LINGO2: variants seen among roughly 807,000 people sequenced by gnomAD.
The protein encoded by LINGO2 is leucine rich repeat and Ig domain containing 2.
Under a neutral mutation model 30.6 loss-of-function variants are expected in LINGO2, and 14 were observed. That is an observed-to-expected ratio of 0.46 (90% CI 0.30 to 0.72). LINGO2 has a LOEUF of 0.72. LINGO2 is among the 30% of genes least tolerant of loss of function. The probability of loss-of-function intolerance (pLI) is 0.07; values close to 1 mark genes in which losing one functional copy is unlikely to be tolerated. For missense variants in LINGO2, 729 were observed against 751.7 expected (o/e 0.97, Z 0.35); for synonymous variants, 317 against 288.5 (o/e 1.10, Z -1.00).
the LINGO2 span, among the ~76,000 whole-genome samples, chr9:28,730,352 T>C: frequency 3.9e-5 from 6 of 152,168 alleles, no homozygotes; most frequent in Non-Finnish European, 7.4e-5. Flanking sequence ...AAATCCTCAC[T>C]GCTCTCTGGG....
At chr9:28,432,032 C>T (rs1823699572) in intron 2 of LINGO2, among the ~76,000 whole-genome samples, 1 of 151,960 alleles carries the variant, frequency 6.6e-6, no homozygotes, top group African/African-American at 2.4e-5. Context: ...TCCAGATGAG[C>T]ATTTAATCAA....
the LINGO2 span, among the ~76,000 whole-genome samples, chr9:28,891,588 T>C: frequency 3.3e-5 from 5 of 151,916 alleles, no homozygotes; most frequent in Admixed American, 3.3e-4. Flanking sequence ...GGGGTGAGTA[T>C]AGATGCTATT....
chr9:29,169,013 G>A, the LINGO2 span, among the ~76,000 whole-genome samples: 32,833 of 151,976 alleles, frequency 0.22, 3,885 homozygotes, highest in East Asian at 0.38. Context: ...CAATGGTGTC[G>A]TCTTGGCTAC....
the LINGO2 span, among the ~76,000 whole-genome samples, chr9:29,114,882 C>T: frequency 6.6e-6 from 1 of 152,024 alleles, no homozygotes; most frequent in Non-Finnish European, 1.5e-5. Flanking sequence ...CAGTTCTTTA[C>T]GGATGAACTA....
At chr9:28,074,131 T>C (rs1825558289) in intron 4 of LINGO2, among the ~76,000 whole-genome samples, 2 of 152,130 alleles carry the variant, frequency 1.3e-5, no homozygotes. Context: ...TTAATAATTG[T>C]TTTCATAATT....
chr9:27,948,802 T>TA (rs756385478), exon 6 of LINGO2: 2 of 1,557,216 alleles, frequency 1.3e-6, no homozygotes, highest in Non-Finnish European at 1.7e-6. Flanking sequence ...CATACTGTCT[T>TA]ACTGATTACC....
At chr9:28,178,619 T>C (rs531913574) in intron 4 of LINGO2, among the ~76,000 whole-genome samples, 250 of 152,272 alleles carry the variant, frequency 1.6e-3, no homozygotes, top group African/African-American at 5.8e-3. Flanking sequence ...AACATTTTGT[T>C]CTCCATCTTC....
At chr9:28,847,994 T>C in the LINGO2 span, among the ~76,000 whole-genome samples, 8 of 107,540 alleles carry the variant, frequency 7.4e-5, no homozygotes, top group African/African-American at 3.0e-4. Context: ...TATATGTATA[T>C]GTACATATAT....
At chr9:28,390,592 A>C (rs1284441233) in intron 2 of LINGO2, among the ~76,000 whole-genome samples, 1 of 152,060 alleles carries the variant, frequency 6.6e-6, no homozygotes, top group Non-Finnish European at 1.5e-5. Context: ...AAAAAGAGAA[A>C]ACTTCAGAAT....
intron 1 of LINGO2, among the ~76,000 whole-genome samples, chr9:28,486,475 C>T (rs761702667): frequency 3.3e-5 from 5 of 152,094 alleles, no homozygotes; most frequent in Admixed American, 6.6e-5. Flanking sequence ...AAGATATTGT[C>T]TCCTGGAAAT....
the LINGO2 span, among the ~76,000 whole-genome samples, chr9:28,870,904 C>T: frequency 7.3e-5 from 11 of 151,706 alleles, no homozygotes; most frequent in South Asian, 2.1e-4. Flanking sequence ...CAGCCAAAGG[C>T]GACAGAAAAT....
the LINGO2 span, among the ~76,000 whole-genome samples, chr9:28,731,078 C>A: frequency 6.6e-6 from 1 of 152,000 alleles, no homozygotes; most frequent in East Asian, 1.9e-4. Flanking sequence ...ACAACCTCTG[C>A]CTCCCGGATT....
At chr9:28,854,832 G>T in the LINGO2 span, among the ~76,000 whole-genome samples, 1 of 151,556 alleles carries the variant, frequency 6.6e-6, no homozygotes, top group Non-Finnish European at 1.5e-5. Flanking sequence ...TCAGCCTTAT[G>T]TTCTTTGGCA....
chr9:27,979,343 C>T (rs1423757597), intron 5 of LINGO2, among the ~76,000 whole-genome samples: 2 of 151,842 alleles, frequency 1.3e-5, no homozygotes, highest in Non-Finnish European at 2.9e-5. Context: ...TTTCTATAAG[C>T]TTAACATGTA....
chr9:28,301,817 G>T (rs13292866), intron 3 of LINGO2, among the ~76,000 whole-genome samples: 15,424 of 152,088 alleles, frequency 0.1, 1,005 homozygotes, highest in Middle Eastern at 0.26. Context: ...AATGTTAAAG[G>T]CAGCTAGAAA....
At chr9:28,572,665 A>G in intron 1 of LINGO2, among the ~76,000 whole-genome samples, 1 of 150,356 alleles carries the variant, frequency 6.7e-6, no homozygotes. Flanking sequence ...GCGCTCTTGA[A>G]TAGCAAAATG....
chr9:28,517,823 A>G (rs1389949015), intron 1 of LINGO2, among the ~76,000 whole-genome samples: 14 of 152,214 alleles, frequency 9.2e-5, no homozygotes, highest in Admixed American at 9.2e-4. Flanking sequence ...TTTCCCCAAT[A>G]GAAACACAAT....
chr9:28,545,665 G>A (rs903281186), intron 1 of LINGO2, among the ~76,000 whole-genome samples: 3 of 151,826 alleles, frequency 2.0e-5, no homozygotes, highest in Non-Finnish European at 2.9e-5. Context: ...AAGAGGGGGG[G>A]AACTTTTAGT....
the LINGO2 span, among the ~76,000 whole-genome samples, chr9:28,996,942 TG>T: frequency 1.1e-4 from 16 of 152,290 alleles, no homozygotes; most frequent in East Asian, 2.9e-3. Context: ...TGTATGTGTG[TG>T]TGTTCTTTTA....
Sources: gnomAD v4.1 joint callset for allele counts (sites outside exome capture counted in the v4.1 genomes callset) on GRCh38, gnomAD v4.1.1 for gene constraint, MANE v1.5 for transcripts, NCBI Gene and HGNC (gene_info 2026-07-23, HGNC 2026-07-21) for gene names.